Variants in MACROD2 observed in about 807,000 individuals in gnomAD.
MACROD2 encodes mono-ADP ribosylhydrolase 2.
A neutral mutation model predicts 70.4 loss-of-function variants in MACROD2; 36 were observed. The observed-to-expected ratio is 0.51, with a 90% confidence interval of 0.39 to 0.68. The LOEUF is 0.68. Ranked by LOEUF, MACROD2 falls within the 30% of genes least tolerant of loss-of-function variation. The probability of loss-of-function intolerance (pLI) is 0.00; values close to 1 mark genes in which losing one functional copy is unlikely to be tolerated. For missense variants in MACROD2, 496 were observed against 538.4 expected, an observed-to-expected ratio of 0.92 and a Z score of 0.78; for synonymous variants, 172 against 178.8, an observed-to-expected ratio of 0.96 and a Z score of 0.30.
intron 5 of MACROD2, among the ~76,000 whole-genome samples, chr20:15,023,544 A>G (rs2122973774): frequency 6.6e-6 from 1 of 152,304 alleles, no homozygotes; most frequent in South Asian, 2.1e-4. Context: ...TGGGCAATTT[A>G]TAATGGACTC....
intron 5 of MACROD2, among the ~76,000 whole-genome samples, chr20:15,111,190 T>G (rs1468146200): frequency 7.0e-6 from 1 of 143,090 alleles, no homozygotes; most frequent in Non-Finnish European, 1.6e-5. Context: ...TTTTTTTTTT[T>G]GCGACGGAGT....
intron 5 of MACROD2, among the ~76,000 whole-genome samples, chr20:15,069,978 T>G (rs2075606700): frequency 6.6e-6 from 1 of 152,116 alleles, no homozygotes; most frequent in Admixed American, 6.5e-5. Flanking sequence ...AGCTTGCACC[T>G]TGAGCCTGGA....
intron 5 of MACROD2, among the ~76,000 whole-genome samples, chr20:14,699,549 G>A (rs965704281): frequency 6.6e-6 from 1 of 152,150 alleles, no homozygotes; most frequent in African/African-American, 2.4e-5. Context: ...ATTTGGGACA[G>A]AGAAGGAAAT....
rs947644438 is a variant in MACROD2 at position 15,444,848 on chromosome 20, T to C, written c.571+13413T>C. Among the ~76,000 whole-genome samples, 33 of 152,118 alleles carry C rather than the reference T, an allele frequency of 2.2e-4. 1 individual carries two copies. Among genetic ancestry groups the C allele is most frequent in the Non-Finnish European group, 8.8e-5 (6 of 68,012 alleles). On this transcript the variant is annotated intron_variant, in intron 7 of 17. Coordinates refer to ENST00000684519, the MANE Select transcript of MACROD2 (RefSeq NM_001351661.2). ...ATGTAAAATGAGGTTAATAATGAGG[T>C]TCATATAGGTAATAATGCCTATATC...
At chr20:15,601,897 A>T (rs2048826054) in intron 8 of MACROD2, among the ~76,000 whole-genome samples, 1 of 152,022 alleles carries the variant, frequency 6.6e-6, no homozygotes, top group African/African-American at 2.4e-5. Context: ...GTGTGTTGGC[A>T]TGCACCTGTA....
chr20:14,650,161 C>G (rs1268426821), intron 4 of MACROD2, among the ~76,000 whole-genome samples: 1 of 152,140 alleles, frequency 6.6e-6, no homozygotes, highest in Non-Finnish European at 1.5e-5. Flanking sequence ...AAAAAACTGT[C>G]TCCCCATGCT....
Position 14,378,252 on chromosome 20 carries a change from C to T in MACROD2, c.272-115227C>T, listed in dbSNP as rs780891489. On this transcript the variant is annotated intron_variant, in intron 3 of 17. Transcript: ENST00000684519. The stretch of plus-strand genomic sequence containing the variant: ...CATTAATATGGTGAGTGCTAAGGTG[C>T]ACTACACAGATTCCCTTTTGAGAGT... 3.9e-5 allele frequency among the ~76,000 whole-genome samples: 6 copies of T among 152,248 alleles called. 1 individual carries two copies. Among genetic ancestry groups the T allele is most frequent in the Admixed American group, 1.3e-4 (2 of 15,278 alleles).
intron 8 of MACROD2, among the ~76,000 whole-genome samples, chr20:15,794,795 TC>T (rs1236740883): frequency 6.6e-6 from 1 of 152,228 alleles, no homozygotes; most frequent in African/African-American, 2.4e-5. Flanking sequence ...TTTAAAAGTC[TC>T]TTTTTTAACT....
chr20:15,156,342 A>C (rs2076306654), intron 5 of MACROD2, among the ~76,000 whole-genome samples: 1 of 152,208 alleles, frequency 6.6e-6, no homozygotes, highest in Non-Finnish European at 1.5e-5. Context: ...TTAGAAAAAA[A>C]AGCTTTAAAA....
At chr20:15,838,000 A>T (rs1057143994) in intron 8 of MACROD2, among the ~76,000 whole-genome samples, 20 of 152,138 alleles carry the variant, frequency 1.3e-4, no homozygotes, top group African/African-American at 4.8e-4. Flanking sequence ...ACTAAGTAGG[A>T]ACTATCACCT....
intron 5 of MACROD2, among the ~76,000 whole-genome samples, chr20:15,225,866 G>A (rs558657582): frequency 1.3e-5 from 2 of 152,262 alleles, no homozygotes; most frequent in Admixed American, 6.5e-5. Context: ...ATATGGGCGA[G>A]CATATTATCT....
At chr20:15,221,228 GAACAAAGA>G (rs2076858494) in intron 5 of MACROD2, among the ~76,000 whole-genome samples, 1 of 152,154 alleles carries the variant, frequency 6.6e-6, no homozygotes, top group Non-Finnish European at 1.5e-5. Flanking sequence ...TCTTGAACCA[GAACAAAGA>G]TCTTATTATC....
intron 3 of MACROD2, among the ~76,000 whole-genome samples, chr20:14,230,160 G>T (rs2081788237): frequency 6.6e-6 from 1 of 152,112 alleles, no homozygotes. Context: ...GAAGGTTAGG[G>T]TGGCTGTGGC....
chr20:14,727,499 C>T (rs2071544063), intron 5 of MACROD2, among the ~76,000 whole-genome samples: 1 of 151,820 alleles, frequency 6.6e-6, no homozygotes, highest in South Asian at 2.1e-4. Flanking sequence ...TACTCCATGA[C>T]ATTCCAGCCT....
intron 5 of MACROD2, among the ~76,000 whole-genome samples, chr20:15,190,589 G>C (rs1233687916): frequency 2.0e-5 from 3 of 152,340 alleles, no homozygotes; most frequent in South Asian, 4.1e-4. Context: ...CAGGTATTAT[G>C]AGGCCAACAG....
intron 8 of MACROD2, among the ~76,000 whole-genome samples, chr20:15,568,294 A>G (rs1337944314): frequency 6.6e-6 from 1 of 152,334 alleles, no homozygotes; most frequent in Non-Finnish European, 1.5e-5. Context: ...CCTTCAGGGT[A>G]GAGGACACAT....
intron 10 of MACROD2, among the ~76,000 whole-genome samples, chr20:15,921,265 G>A (rs1340896551): frequency 6.6e-6 from 1 of 152,138 alleles, no homozygotes; most frequent in African/African-American, 2.4e-5. Flanking sequence ...CTCCCCAAAT[G>A]TACATGCTTC....
intron 4 of MACROD2, among the ~76,000 whole-genome samples, chr20:14,536,013 G>A (rs6079480): frequency 0.21 from 31,917 of 151,964 alleles, 4,098 homozygotes; most frequent in African/African-American, 0.35. Flanking sequence ...GGAGGGAAAT[G>A]TATCATGGTT....
At chr20:14,886,387 G>T (rs1433781363) in intron 5 of MACROD2, among the ~76,000 whole-genome samples, 5 of 152,178 alleles carry the variant, frequency 3.3e-5, no homozygotes, top group Admixed American at 2.0e-4. Flanking sequence ...CCTGCTCGCA[G>T]AAAGTCCTGT....
Sources: allele counts gnomAD v4.1 joint callset (sites outside exome capture counted in the v4.1 genomes callset), GRCh38; gene constraint gnomAD v4.1.1; transcripts MANE v1.5; gene names NCBI Gene and HGNC (gene_info 2026-07-23, HGNC 2026-07-21).